SGSM2: variants seen among roughly 807,000 people sequenced by gnomAD.
SGSM2 encodes the protein small G protein signaling modulator 2, also known as RUN and TBC1 domain containing 1.
SGSM2 carries 89 observed loss-of-function variants against 126.6 expected under a neutral mutation model. The ratio of observed to expected loss-of-function variants is 0.70; its 90% CI spans 0.59 to 0.84. SGSM2 has a LOEUF of 0.84. Ranked by LOEUF, SGSM2 falls within the 40% of genes least tolerant of loss-of-function variation. SGSM2 has a pLI of 0.00. For missense variants in SGSM2, 1,404 were observed against 1,416.6 expected, an observed-to-expected ratio of 0.99 and a Z score of 0.14; for synonymous variants, 614 against 574.3, an observed-to-expected ratio of 1.07 and a Z score of -0.99.
In SGSM2 at chr17:2,379,658, G is replaced by A. The variant is rs114242009; in HGVS notation, c.*138G>A. On this transcript the variant is annotated 3_prime_UTR_variant, in exon 24 of 24. Transcript: ENST00000268989. ...ACAAAGCGGTTGTGAGCCTGGATCC[G>A]ACTCCCGGCAGTGCTGACCCTGCAG... 1.7e-3 allele frequency: 2,409 copies of A among 1,459,464 alleles called. 41 individuals are homozygous for A. In the African/African-American group the frequency reaches 0.03, roughly 18 times the overall value. 90.4% of individuals were successfully genotyped at this position (1,459,464 alleles called of 1,614,324 possible).
In SGSM2 at chr17:2,367,078, A is replaced by G. The variant is rs2065624636; in HGVS notation, c.1289-193A>G. On this transcript the variant is annotated intron_variant, in intron 11 of 23. Transcript: ENST00000268989. The surrounding 1 kb of genome is among the most constrained non-coding windows in gnomAD (Gnocchi z 4.0). The stretch of plus-strand genomic sequence containing the variant: ...AAGAGTGAGGTTCTGCAGCTGCCCC[A>G]GCCCCTCGCCTCCTTCCACACTCTC... 1.0e-5 allele frequency: 6 copies of G among 598,252 alleles called. No individual in the cohort carries two copies. The highest frequency in any genetic ancestry group is 8.6e-5 in the East Asian group (3 of 34,814). The allele number at this position is 598,252 out of a possible 1,614,324, so 37.1% of individuals were successfully genotyped here.
In SGSM2 at chr17:2,372,873, T is replaced by C. The variant is rs867934996; in HGVS notation, c.1789-80T>C. 13 of 1,510,500 alleles carry C rather than the reference T, an allele frequency of 8.6e-6. 1 individual carries two copies. The Middle Eastern group carries it at 2.1e-3, about 241-fold the overall frequency. The allele number at this position is 1,510,500 out of a possible 1,614,324, so 93.6% of individuals were successfully genotyped here. A position where few individuals can be genotyped will look rare whatever the true frequency, so the allele number is the denominator to read the frequency against. ...TCACTACAGGCCCCGCCCCAGCCCATTCTCCGTGGGATGGGGCTCACCCAG... is the reference window on the plus strand; with the variant it reads ...TCACTACAGGCCCCGCCCCAGCCCACTCTCCGTGGGATGGGGCTCACCCAG... On this transcript the variant is annotated intron_variant, in intron 15 of 23. Transcript: ENST00000268989. The surrounding 1 kb of genome is among the most constrained non-coding windows in gnomAD (Gnocchi z 6.0).
rs1002707876 is a variant in SGSM2, at chr17:2,380,953, C to T, written c.*1433C>T. On this transcript the variant is annotated 3_prime_UTR_variant, in exon 24 of 24. Transcript: ENST00000268989. ...GCACGTGTGGCCATTGTGTGCCTGC[C>T]TTAGTGACTCCGTGGTTTTGTGAGG... 2 of 154,612 alleles carry T rather than the reference C, an allele frequency of 1.3e-5. No individual in the cohort carries two copies. The highest frequency in any genetic ancestry group is 3.8e-4 in the East Asian group (2 of 5,214). 9.6% of individuals were successfully genotyped at this position (154,612 alleles called of 1,614,324 possible).
chr17:2,361,737 G>A lies in SGSM2; in HGVS notation c.234G>A (p.Thr78=), dbSNP rs766656617. ...CCCTGTTCACCAAGGTGGGGAAGAC[G>A]TGCCCAGTGGCGGGGGAGATTTGCC... The part of the protein sequence containing the change: ...MAALFTKVGK[T]CPVAGEICHK... The change falls in exon 3 of 24, where the codon ACG becomes ACA. Residue 78 remains threonine (T), a synonymous_variant. Transcript: ENST00000268989. 29 of 1,613,698 alleles carry A rather than the reference G, an allele frequency of 1.8e-5. No homozygotes were observed. Among genetic ancestry groups the A allele is most frequent in the Admixed American group, 5.0e-5 (3 of 60,004 alleles).
chr17:2,364,488 C>T (rs1363335283), intron 8 of SGSM2, 108 bp from the exon 9 acceptor site: 5 of 1,228,446 alleles, frequency 4.1e-6, no homozygotes, highest in Non-Finnish European at 5.9e-6. Flanking sequence ...TGGCTATGGT[C>T]ATCCTATCTT....
intron 1 of SGSM2, among the ~76,000 whole-genome samples, chr17:2,340,709 T>C (rs530099593): frequency 9.1e-4 from 138 of 151,908 alleles, no homozygotes; most frequent in Middle Eastern, 3.4e-3. Flanking sequence ...CTCAGCCTTC[T>C]GAGTAGCTGG....
At position 2,371,254 on chromosome 17, in the gene SGSM2, G is replaced by A; in HGVS notation, c.1424-8G>A. 1 of 1,609,322 alleles carries A rather than the reference G, an allele frequency of 6.2e-7. No individual in the cohort carries two copies. Among genetic ancestry groups the A allele is most frequent in the Non-Finnish European group, 8.5e-7 (1 of 1,179,290 alleles). Reference sequence around the variant, plus strand: ...AGGCCCTGACCATGCCACCCTTCCTGCCCGCAGACGCTGGTGACATGATCG... The same window carrying A: ...AGGCCCTGACCATGCCACCCTTCCTACCCGCAGACGCTGGTGACATGATCG... On this transcript the variant is annotated splice_polypyrimidine_tract_variant and splice_region_variant and intron_variant, in intron 12 of 23. Coordinates refer to ENST00000268989, the MANE Select transcript of SGSM2 (RefSeq NM_014853.3).
At position 2,375,388 on chromosome 17, in the gene SGSM2, G is replaced by A. The variant is rs2066083110; in HGVS notation, c.2101-104G>A. On this transcript the variant is annotated intron_variant, in intron 17 of 23. Transcript: ENST00000268989. ...TGTTGGAGGCTGTGGTGGGAGAGGGGGTGTGAAGAGTTTTGCATTCCAGCT... is the reference window on the plus strand; with the variant it reads ...TGTTGGAGGCTGTGGTGGGAGAGGGAGTGTGAAGAGTTTTGCATTCCAGCT... 32 of 1,394,632 alleles carry A rather than the reference G, an allele frequency of 2.3e-5. No individual in the cohort carries two copies. In the South Asian group the frequency reaches 3.8e-4, roughly 16 times the overall value. 86.4% of individuals were successfully genotyped at this position (1,394,632 alleles called of 1,614,324 possible).
At chr17:2,378,692 T>C (rs1865975110) in intron 22 of SGSM2, among the ~76,000 whole-genome samples, 1 of 152,200 alleles carries the variant, frequency 6.6e-6, no homozygotes, top group Non-Finnish European at 1.5e-5. Context: ...ATGGGAGGCC[T>C]GTGACAGCTG....
rs2066360453 is a variant in SGSM2, at chr17:2,380,303, T to TGC, written c.*784_*785dup. ...AACCACGTGTAAGAAGTGATGCTTT[T>TGC]GCCAGTGGATGATCTGGAATGCGAC... On this transcript the variant is annotated 3_prime_UTR_variant, in exon 24 of 24. Coordinates refer to ENST00000268989, the MANE Select transcript of SGSM2 (RefSeq NM_014853.3). The TGC allele has an allele frequency of 6.5e-7, 1 of 1,535,788 alleles. No homozygotes were observed. The highest frequency in any genetic ancestry group is 1.4e-5 in the African/African-American group (1 of 73,058).
Position 2,370,754 on chromosome 17 carries a change from G to C in SGSM2, c.1424-508G>C, listed in dbSNP as rs548437328. Among the ~76,000 whole-genome samples the C allele has an allele frequency of 6.6e-5, 10 of 152,354 alleles. No individual in the cohort carries two copies. The East Asian group carries it at 1.7e-3, about 27-fold the overall frequency. Reference sequence around the variant, plus strand: ...AGAAGAGCCAGGCCTACGGGCAGGTGACTCAGATTCCTCGGGGGCTTTGAA... The same window carrying C: ...AGAAGAGCCAGGCCTACGGGCAGGTCACTCAGATTCCTCGGGGGCTTTGAA... On this transcript the variant is annotated intron_variant, in intron 12 of 23. Coordinates refer to ENST00000268989, the MANE Select transcript of SGSM2 (RefSeq NM_014853.3).
Position 2,372,381 on chromosome 17 carries a change from C to T in SGSM2, c.1681C>T (p.His561Tyr). The T allele has an allele frequency of 1.3e-6, 2 of 1,591,310 alleles. No individual in the cohort carries two copies. The highest frequency in any genetic ancestry group is 1.7e-6 in the Non-Finnish European group (2 of 1,170,644). Residue 561 changes from histidine to tyrosine, a missense_variant, in exon 15 of 24, where the codon CAC becomes TAC. Transcript: ENST00000268989. This position sits in a 1 kb window ranked among gnomAD's most constrained non-coding sequence, Gnocchi z 6.0. Reference sequence around the variant, plus strand: ...CCGCCACCTGTCCACGGTGCGGACCCACCTGTCGGCGCTGGTGCACCATAG... The same window carrying T: ...CCGCCACCTGTCCACGGTGCGGACCTACCTGTCGGCGCTGGTGCACCATAG... ...HCRHLSTVRT[H>Y]LSALVHHSVI...
chr17:2,358,751 G>T (rs1216011843), intron 2 of SGSM2, among the ~76,000 whole-genome samples: 1 of 151,926 alleles, frequency 6.6e-6, no homozygotes, highest in Non-Finnish European at 1.5e-5. Context: ...GTCAGAAGCT[G>T]AGAACCACAG....
rs940760904 is a variant in SGSM2 at position 2,372,732 on chromosome 17, G to A, written c.1789-221G>A. The A allele has an allele frequency of 1.2e-5, 10 of 805,312 alleles. No individual in the cohort carries two copies. Among genetic ancestry groups the A allele is most frequent in the African/African-American group, 3.5e-5 (2 of 57,126 alleles). The allele number at this position is 805,312 out of a possible 1,614,324, so 49.9% of individuals were successfully genotyped here. On this transcript the variant is annotated intron_variant, in intron 15 of 23. Transcript: ENST00000268989. This position sits in a 1 kb window ranked among gnomAD's most constrained non-coding sequence, Gnocchi z 6.0. ...CCTGGACAAAGCTTTGCCTCTCTCC[G>A]GGCGCCATTTCCTGCCCCTTAAGGA...
Position 2,371,324 on chromosome 17 carries a change from C to T in SGSM2, c.1486C>T (p.Pro496Ser), listed in dbSNP as rs2065860997. ...CAGCCTGCCAGCCTGGCACCTGGAG[C>T]CCCTGTGCAGTCAGGGCTCCTCCTG... ...GPSLPAWHLE[P>S]LCSQGSSCLS... The change falls in exon 13 of 24, where the codon CCC becomes TCC. Residue 496 changes from proline (P) to serine (S), a missense_variant. Physicochemically the swap from Pro to Ser is moderately conservative, Grantham distance 74 (BLOSUM62 -1). Transcript: ENST00000268989. 1 of 1,612,438 alleles carries T rather than the reference C, an allele frequency of 6.2e-7. No homozygotes were observed.
intron 2 of SGSM2, among the ~76,000 whole-genome samples, chr17:2,358,956 C>T (rs1057323391): frequency 4.7e-5 from 7 of 148,798 alleles, no homozygotes; most frequent in African/African-American, 1.8e-4. Context: ...CGGCTCACTG[C>T]AACCTCTGCC....
intron 11 of SGSM2, among the ~76,000 whole-genome samples, chr17:2,365,775 C>T (rs1319331434): frequency 7.0e-6 from 1 of 142,830 alleles, no homozygotes; most frequent in Non-Finnish European, 1.5e-5. Context: ...GAGACGACGT[C>T]TCGCTCTTTT....
chr17:2,368,866 C>T (rs960825592), intron 12 of SGSM2, among the ~76,000 whole-genome samples: 1 of 152,212 alleles, frequency 6.6e-6, no homozygotes, highest in Non-Finnish European at 1.5e-5. Context: ...CTTCTTCCCC[C>T]ACGAACTGGT....
At position 2,372,888 on chromosome 17, in the gene SGSM2, G is replaced by T. The variant is rs556896440; in HGVS notation, c.1789-65G>T. The T allele has an allele frequency of 2.0e-6, 3 of 1,533,616 alleles. No homozygotes were observed. Among genetic ancestry groups the T allele is most frequent in the Non-Finnish European group, 2.6e-6 (3 of 1,137,156 alleles). On this transcript the variant is annotated intron_variant, in intron 15 of 23. Coordinates refer to ENST00000268989, the MANE Select transcript of SGSM2 (RefSeq NM_014853.3). The surrounding 1 kb of genome is among the most constrained non-coding windows in gnomAD (Gnocchi z 6.0). ...CCCCAGCCCATTCTCCGTGGGATGG[G>T]GCTCACCCAGCTGGGCCACGGTGAC... is the stretch of plus-strand genomic sequence containing the variant.
Sources: allele counts gnomAD v4.1 joint callset (sites outside exome capture counted in the v4.1 genomes callset), GRCh38; gene constraint gnomAD v4.1.1; non-coding constraint Gnocchi (gnomAD v3.1); transcripts MANE v1.5; gene names NCBI Gene and HGNC (gene_info 2026-07-23, HGNC 2026-07-21).